ARMC6: variants seen among roughly 807,000 people sequenced by gnomAD.
ARMC6 encodes the protein armadillo repeat containing 6, also known as armadillo repeat-containing protein 6.
ARMC6 carries 43 observed loss-of-function variants against 49.2 expected under a neutral mutation model. That is an observed-to-expected ratio of 0.87 (90% CI 0.69 to 1.13). ARMC6 has a LOEUF of 1.13. ARMC6 is among the 50% of genes most tolerant of loss of function. The pLI is 0.00. For synonymous variants in ARMC6, 262 were observed against 289.6 expected, an observed-to-expected ratio of 0.90 and a Z score of 0.97; for missense variants, 627 against 682.0, an observed-to-expected ratio of 0.92 and a Z score of 0.90.
intron 2 of ARMC6, among the ~76,000 whole-genome samples, chr19:19,041,603 C>G (rs1425324635): frequency 6.6e-6 from 1 of 152,194 alleles, no homozygotes; most frequent in Non-Finnish European, 1.5e-5. Context: ...CCTGCCTCGG[C>G]CTCCCAAAGT....
intron 4 of ARMC6, among the ~76,000 whole-genome samples, chr19:19,046,044 C>A (rs981924916): frequency 6.6e-6 from 1 of 152,162 alleles, no homozygotes; most frequent in African/African-American, 2.4e-5. Context: ...TCAGTGACCA[C>A]GCCCCTGCAC....
intron 4 of ARMC6, among the ~76,000 whole-genome samples, chr19:19,051,371 C>CTGTGTGTGTGTG (rs1349643143): frequency 1.6e-5 from 2 of 122,794 alleles, no homozygotes; most frequent in African/African-American, 7.8e-5. Flanking sequence ...CTCTCTCTCT[C>CTGTGTGTGTGTG]TCTCTGTGTG....
In ARMC6 at chr19:19,045,503, T is replaced by TTTTTTTTTTTTTTTTC. The variant is rs1179872355; in HGVS notation, c.279+1430_279+1431insTTTTTTTTTTTTTTCT. On this transcript the variant is annotated intron_variant, in intron 4 of 8. Transcript: ENST00000535612. ...GCATTATGCTAAATTCTTTTTTTTT[T>TTTTTTTTTTTTTTTTC]TGAGACAAGAGTCTCACTCTGTTGC... Among the ~76,000 whole-genome samples the TTTTTTTTTTTTTTTTC allele has an allele frequency of 2.4e-4, 34 of 141,114 alleles. 3 individuals carry two copies. The highest frequency in any genetic ancestry group is 9.4e-4 in the African/African-American group (34 of 36,238). 92.6% of individuals were successfully genotyped at this position (141,114 alleles called of 152,430 possible). A position where few individuals can be genotyped will look rare whatever the true frequency, so the allele number is the denominator to read the frequency against.
At chr19:19,048,753 G>C (rs1381566270) in intron 4 of ARMC6, among the ~76,000 whole-genome samples, 1 of 152,178 alleles carries the variant, frequency 6.6e-6, no homozygotes, top group Admixed American at 6.5e-5. Flanking sequence ...GGGAATCTCT[G>C]TAGAATGTAG....
chr19:19,044,180 C>T, intron 4 of ARMC6, 106 bp downstream of exon 4: 1 of 1,157,026 alleles, frequency 8.6e-7, no homozygotes, highest in Non-Finnish European at 1.3e-6. Flanking sequence ...GTCATGCCCT[C>T]CCCAGCATGC....
intron 1 of ARMC6, 96 bp downstream of exon 1, chr19:19,034,026 G>C: frequency 1.9e-6 from 1 of 540,184 alleles, no homozygotes; most frequent in East Asian, 3.2e-5. Context: ...ACGTGGTTTG[G>C]GGGGAAAAAA....
chr19:19,040,786 T>C (rs761525911), intron 2 of ARMC6: 46 of 444,794 alleles, frequency 1.0e-4, no homozygotes, highest in Middle Eastern at 3.3e-4. Context: ...TTGCTGGGAT[T>C]ACAGACGTGA....
Position 19,039,562 on chromosome 19 carries a change from G to T in ARMC6, c.30-3149G>T, listed in dbSNP as rs906976106. The T allele has an allele frequency of 3.1e-5, 6 of 196,010 alleles. No individual in the cohort carries two copies. The South Asian group carries it at 3.6e-4, about 12-fold the overall frequency. The allele number at this position is 196,010 out of a possible 1,614,324, so 12.1% of individuals were successfully genotyped here. A position where few individuals can be genotyped will look rare whatever the true frequency, so the allele number is the denominator to read the frequency against. ...GTTACTCCCCATTCCCTCTCCTCCAGTCCCTGGCAACACCCAGTCTGCTTT... is the reference window on the plus strand; with the variant it reads ...GTTACTCCCCATTCCCTCTCCTCCATTCCCTGGCAACACCCAGTCTGCTTT... On this transcript the variant is annotated intron_variant, in intron 2 of 8. Coordinates refer to ENST00000535612, the MANE Select transcript of ARMC6 (RefSeq NM_001199196.2).
intron 4 of ARMC6, 100 bp from the exon 5 acceptor site, chr19:19,051,522 A>G (rs2059496896): frequency 1.8e-6 from 2 of 1,142,470 alleles, no homozygotes; most frequent in East Asian, 4.8e-5. Flanking sequence ...GCAGGCCCAG[A>G]TCCCAGGGGA....
At position 19,054,302 on chromosome 19, in the gene ARMC6, G is replaced by A; in HGVS notation, c.1004G>A (p.Arg335Lys). 6.3e-7 allele frequency: 1 copy of A among 1,596,268 alleles called. No homozygotes were observed. Among genetic ancestry groups the A allele is most frequent in the South Asian group, 1.1e-5 (1 of 88,708 alleles). ...GCCGACTGCAATGACCACCAGATGA[G>A]GGACCAGAGCGGCGTTCAGGTATGA... ...LLADCNDHQM[R>K]DQSGVQELVK... is the part of the protein sequence containing the mutation. The change falls in exon 6 of 9, where the codon AGG (arginine) becomes AAG (lysine). Residue 335 changes from arginine (R) to lysine (K), a missense_variant. By Grantham distance (26) the Arg-to-Lys change is conservative (BLOSUM62 2). Coordinates refer to ENST00000535612, the MANE Select transcript of ARMC6 (RefSeq NM_001199196.2).
chr19:19,047,384 G>GT (rs2059460396), intron 4 of ARMC6, among the ~76,000 whole-genome samples: 1 of 152,160 alleles, frequency 6.6e-6, no homozygotes, highest in South Asian at 2.1e-4. Flanking sequence ...ATTCAACATT[G>GT]TGATGGTCGT....
intron 8 of ARMC6, among the ~76,000 whole-genome samples, chr19:19,056,779 A>G (rs2059548602): frequency 6.6e-6 from 1 of 152,050 alleles, no homozygotes; most frequent in Admixed American, 6.5e-5. Context: ...CTCCCAGCAT[A>G]GGATTCTTGG....
chr19:19,048,624 A>G (rs1455350616), intron 4 of ARMC6, among the ~76,000 whole-genome samples: 1 of 152,158 alleles, frequency 6.6e-6, no homozygotes, highest in Non-Finnish European at 1.5e-5. Context: ...AGGGTTTATC[A>G]AGGAAGCCTC....
At chr19:19,046,644 A>G (rs2059452727) in intron 4 of ARMC6, among the ~76,000 whole-genome samples, 1 of 149,816 alleles carries the variant, frequency 6.7e-6, no homozygotes, top group Middle Eastern at 3.5e-3. Flanking sequence ...ACAGGCGTGC[A>G]CCACCACGCC....
chr19:19,045,414 A>C (rs1195539349), intron 4 of ARMC6, among the ~76,000 whole-genome samples: 2 of 151,288 alleles, frequency 1.3e-5, no homozygotes, highest in African/African-American at 4.9e-5. Context: ...TATAGGAAGG[A>C]TCTCAATAAC....
At chr19:19,049,026 G>A (rs965982889) in intron 4 of ARMC6, among the ~76,000 whole-genome samples, 1 of 151,622 alleles carries the variant, frequency 6.6e-6, no homozygotes, top group Admixed American at 6.6e-5. Flanking sequence ...CTTTGGCCAA[G>A]AGGAGGGGTC....
At position 19,057,864 on chromosome 19, in the gene ARMC6, G is replaced by A. The variant is rs79944472; in HGVS notation, c.*236G>A. On this transcript the variant is annotated 3_prime_UTR_variant, in exon 9 of 9. Coordinates refer to ENST00000535612, the MANE Select transcript of ARMC6 (RefSeq NM_001199196.2). ...CTGGGTCCCAGCCAGCAGCACGGAT[G>A]TTACTGTCCTGCTCCTTCCCCCAGC... 6.6e-3 allele frequency: 4,574 copies of A among 689,422 alleles called. 138 individuals carry two copies. The African/African-American group carries it at 0.07, about 11-fold the overall frequency. 42.7% of individuals were successfully genotyped at this position (689,422 alleles called of 1,614,324 possible).
At chr19:19,047,585 C>T (rs1241349061) in intron 4 of ARMC6, among the ~76,000 whole-genome samples, 1 of 152,192 alleles carries the variant, frequency 6.6e-6, no homozygotes, top group Admixed American at 6.5e-5. Flanking sequence ...TAAAGCCCCC[C>T]TCCATGAGCA....
Position 19,057,257 on chromosome 19 carries a change from A to G in ARMC6, c.1294-159A>G, listed in dbSNP as rs530348650. 1.1e-4 allele frequency among the ~76,000 whole-genome samples: 17 copies of G among 152,352 alleles called. No homozygotes were observed. In the East Asian group the frequency reaches 2.9e-3, roughly 26 times the overall value. On this transcript the variant is annotated intron_variant, in intron 8 of 8. Coordinates refer to ENST00000535612, the MANE Select transcript of ARMC6 (RefSeq NM_001199196.2). Reference sequence around the variant, plus strand: ...TGCCTTGTGGGGCTGCCAAGAGGGTAAAGTAGAGAGATGGGTCTAGCTTGA... The same window carrying G: ...TGCCTTGTGGGGCTGCCAAGAGGGTGAAGTAGAGAGATGGGTCTAGCTTGA...
Sources: gnomAD v4.1 joint callset for allele counts (sites outside exome capture counted in the v4.1 genomes callset) on GRCh38, gnomAD v4.1.1 for gene constraint, MANE v1.5 for transcripts, NCBI Gene and HGNC (gene_info 2026-07-23, HGNC 2026-07-21) for gene names.